The following DNER variants were observed in gnomAD, a reference collection of about 807,000 sequenced individuals.
The protein encoded by DNER is delta/notch like EGF repeat containing, also known as delta and Notch-like epidermal growth factor-related receptor.
Under a neutral mutation model 78.2 loss-of-function variants are expected in DNER, and 33 were observed. That is an observed-to-expected ratio of 0.42 (90% CI 0.32 to 0.56). DNER has a LOEUF of 0.56. Among genes scored for constraint, DNER ranks in the 20% least tolerant of loss-of-function variants. DNER has a pLI of 0.11. For missense variants in DNER, 918 were observed against 975.3 expected (o/e 0.94, Z 0.78); for synonymous variants, 417 against 384.8 (o/e 1.08, Z -0.98).
intron 5 of DNER, among the ~76,000 whole-genome samples, chr2:229,525,279 T>C (rs909216333): frequency 2.6e-5 from 4 of 152,228 alleles, no homozygotes; most frequent in Non-Finnish European, 5.9e-5. Flanking sequence ...GGTTATTTTA[T>C]GGTTTATGTA....
intron 7 of DNER, among the ~76,000 whole-genome samples, chr2:229,458,135 C>CAAAAAAAA (rs61340733): frequency 1.5e-3 from 26 of 17,712 alleles, no homozygotes; most frequent in East Asian, 4.1e-3. Context: ...GACTCTATCT[C>CAAAAAAAA]AAAAAAAAAA....
intron 1 of DNER, among the ~76,000 whole-genome samples, chr2:229,675,279 G>A (rs1023386681): frequency 2.4e-4 from 37 of 152,188 alleles, no homozygotes; most frequent in African/African-American, 5.3e-4. Flanking sequence ...AACTGCTGCC[G>A]ATGATGTCAG....
chr2:229,545,150 G>A (rs1480277947), intron 5 of DNER, among the ~76,000 whole-genome samples: 8 of 152,190 alleles, frequency 5.3e-5, no homozygotes, highest in Admixed American at 2.0e-4. Context: ...AAGAAAAGGT[G>A]CTGGAGATGG....
chr2:229,582,999 A>AT (rs1159321820), intron 4 of DNER, among the ~76,000 whole-genome samples: 2 of 152,124 alleles, frequency 1.3e-5, no homozygotes, highest in East Asian at 1.9e-4. Flanking sequence ...TCCAAAGATA[A>AT]TTTTTTCCAC....
intron 4 of DNER, among the ~76,000 whole-genome samples, chr2:229,560,183 C>T (rs868215124): frequency 6.6e-6 from 1 of 152,204 alleles, no homozygotes; most frequent in Non-Finnish European, 1.5e-5. Flanking sequence ...TAGTTAACAC[C>T]TCATTGGGAT....
At chr2:229,457,679 C>T (rs1367167050) in intron 7 of DNER, among the ~76,000 whole-genome samples, 4 of 149,116 alleles carry the variant, frequency 2.7e-5, no homozygotes, top group African/African-American at 1.0e-4. Context: ...AAATAAATAG[C>T]AATGAGGTAG....
intron 6 of DNER, among the ~76,000 whole-genome samples, chr2:229,508,002 G>A (rs1185528724): frequency 3.3e-5 from 5 of 152,052 alleles, no homozygotes; most frequent in Admixed American, 2.0e-4. Flanking sequence ...CAAAAATAAA[G>A]AATTCTAACA....
intron 4 of DNER, among the ~76,000 whole-genome samples, chr2:229,582,752 G>A (rs1022121983): frequency 1.6e-4 from 24 of 152,004 alleles, no homozygotes; most frequent in African/African-American, 5.1e-4. Context: ...CCATTCTCCT[G>A]CCTCAGCCTC....
intron 7 of DNER, among the ~76,000 whole-genome samples, chr2:229,453,074 A>G (rs982538409): frequency 6.6e-6 from 1 of 152,240 alleles, no homozygotes; most frequent in African/African-American, 2.4e-5. Flanking sequence ...ATCTCAGCCC[A>G]CTAAACTGTG....
Position 229,671,812 on chromosome 2 carries a change from C to T in DNER, c.276+42336G>A, listed in dbSNP as rs566746854. Among the ~76,000 whole-genome samples the T allele has an allele frequency of 3.3e-5, 5 of 152,210 alleles. No individual in the cohort carries two copies. The South Asian group carries it at 6.2e-4, about 19-fold the overall frequency. On this transcript the variant is annotated intron_variant, in intron 1 of 12. Coordinates refer to ENST00000341772, the MANE Select transcript of DNER (RefSeq NM_139072.4). ...TACATATGCTTCATGGTCTATTATT[C>T]GTGGGGGCAGTAAACGGATGCTTCA...
At chr2:229,645,368 C>T (rs1216056616) in intron 1 of DNER, among the ~76,000 whole-genome samples, 5 of 152,084 alleles carry the variant, frequency 3.3e-5, no homozygotes, top group East Asian at 1.9e-4. Flanking sequence ...TTGCTACTAA[C>T]GTAGCAAGTC....
At chr2:229,403,866 G>A (rs985674616) in intron 10 of DNER, among the ~76,000 whole-genome samples, 1 of 152,154 alleles carries the variant, frequency 6.6e-6, no homozygotes, top group African/African-American at 2.4e-5. Flanking sequence ...AGGGGCCCAG[G>A]ACAAGGCTGG....
chr2:229,460,161 A>AC (rs1347299977), intron 7 of DNER, among the ~76,000 whole-genome samples: 1 of 127,918 alleles, frequency 7.8e-6, no homozygotes, highest in African/African-American at 4.6e-5. Context: ...CGTCTCAAAA[A>AC]AAAAAAAAAA....
chr2:229,361,080 T>C (rs1291720228), intron 12 of DNER, among the ~76,000 whole-genome samples: 1 of 152,190 alleles, frequency 6.6e-6, no homozygotes, highest in Non-Finnish European at 1.5e-5. Flanking sequence ...TGACGTCGTT[T>C]ATAGAAACAC....
At chr2:229,379,456 T>C (rs1299840919) in intron 11 of DNER, among the ~76,000 whole-genome samples, 1 of 152,150 alleles carries the variant, frequency 6.6e-6, no homozygotes, top group Non-Finnish European at 1.5e-5. Context: ...TTTGATCCTT[T>C]TGTTATTCCA....
chr2:229,436,511 C>T (rs1457393525), intron 8 of DNER, among the ~76,000 whole-genome samples: 3 of 151,928 alleles, frequency 2.0e-5, no homozygotes, highest in East Asian at 1.9e-4. Flanking sequence ...TCTCCGATGT[C>T]AAAAATGAAA....
intron 4 of DNER, among the ~76,000 whole-genome samples, chr2:229,563,534 G>GTCATCATCCTCACCCCATCACCATCATCA (rs779676564): frequency 0.16 from 11,998 of 75,282 alleles, 1,199 homozygotes; most frequent in African/African-American, 0.3. Context: ...CACCATCATC[G>GTCATCATCCTCACCCCATCACCATCATCA]TCATCACCCC....
intron 5 of DNER, among the ~76,000 whole-genome samples, chr2:229,538,708 T>G (rs1696458644): frequency 6.6e-6 from 1 of 152,086 alleles, no homozygotes; most frequent in Non-Finnish European, 1.5e-5. Flanking sequence ...TTGTGGTAAT[T>G]TTGTATTTTT....
intron 4 of DNER, among the ~76,000 whole-genome samples, chr2:229,563,969 T>TCAC (rs1697035728): frequency 2.2e-5 from 3 of 133,362 alleles, no homozygotes; most frequent in South Asian, 2.6e-4. Flanking sequence ...ATCATCCTCA[T>TCAC]CCCATCACCA....
Sources: allele counts gnomAD v4.1 joint callset (sites outside exome capture counted in the v4.1 genomes callset), GRCh38; gene constraint gnomAD v4.1.1; transcripts MANE v1.5; gene names NCBI Gene and HGNC (gene_info 2026-07-23, HGNC 2026-07-21).